Variants in ANKRD30A observed in about 807,000 individuals in gnomAD.
The protein encoded by ANKRD30A is ankyrin repeat domain 30A.
In ANKRD30A, 170 loss-of-function variants were observed where a neutral mutation model predicts 166.3. The ratio of observed to expected loss-of-function variants is 1.02; its 90% CI spans 0.90 to 1.16. The LOEUF (loss-of-function observed/expected upper bound fraction) is 1.16. Among genes scored for constraint, ANKRD30A ranks in the 50% most tolerant of loss-of-function variants. The pLI is 0.00. For synonymous variants in ANKRD30A, 564 were observed against 508.9 expected, an observed-to-expected ratio of 1.11 and a Z score of -1.46; for missense variants, 1,630 against 1,518.0, an observed-to-expected ratio of 1.07 and a Z score of -1.23.
the ANKRD30A span, among the ~76,000 whole-genome samples, chr10:37,242,564 T>G: frequency 1.4e-4 from 21 of 152,190 alleles, no homozygotes; most frequent in African/African-American, 4.8e-4. Context: ...TTGTTAATAT[T>G]TTTCAAAGCT....
chr10:37,258,887 C>T, the ANKRD30A span, among the ~76,000 whole-genome samples: 12 of 136,714 alleles, frequency 8.8e-5, no homozygotes, highest in East Asian at 1.5e-3. Flanking sequence ...TGCTTGAACT[C>T]GGGATGAGGA....
intron 1 of ANKRD30A, among the ~76,000 whole-genome samples, chr10:37,128,027 C>G (rs936045684): frequency 6.6e-6 from 1 of 151,908 alleles, no homozygotes; most frequent in African/African-American, 2.4e-5. Flanking sequence ...AGTGAGTTTA[C>G]AGCATGGGAT....
intron 25 of ANKRD30A, among the ~76,000 whole-genome samples, chr10:37,190,566 A>G (rs1040733129): frequency 2.6e-5 from 4 of 151,842 alleles, no homozygotes; most frequent in Non-Finnish European, 5.9e-5. Flanking sequence ...GCAGAAGTCT[A>G]GTGATTATTT....
chr10:37,205,437 G>A (rs911391745), intron 31 of ANKRD30A, among the ~76,000 whole-genome samples: 5 of 150,744 alleles, frequency 3.3e-5, no homozygotes, highest in African/African-American at 1.2e-4. Context: ...CATCACACAC[G>A]GGGGCCTGTC....
chr10:37,257,241 T>G, the ANKRD30A span, among the ~76,000 whole-genome samples: 1 of 152,144 alleles, frequency 6.6e-6, no homozygotes, highest in East Asian at 1.9e-4. Context: ...AGTGATGGTA[T>G]CCCCTTTATC....
intron 30 of ANKRD30A, among the ~76,000 whole-genome samples, chr10:37,200,126 GTCTTATA>G (rs1234937694): frequency 6.6e-6 from 1 of 152,036 alleles, no homozygotes; most frequent in Non-Finnish European, 1.5e-5. Flanking sequence ...ATATGATTCT[GTCTTATA>G]TCTAGATGTA....
Position 37,216,303 on chromosome 10 carries a change from G to A in ANKRD30A, c.2992G>A (p.Val998Ile), listed in dbSNP as rs1349268598. ...GGAACAAATGAAAAAGAAGTTTTGT[G>A]TACTGAAAAAGAAACTGTCAGAAGC... The part of the protein sequence containing the change: ...KMEQMKKKFC[V>I]LKKKLSEAKE... The change falls in exon 32 of 36, where the codon GTA becomes ATA. Residue 998 changes from valine to isoleucine, a missense_variant. Val to Ile is a conservative substitution (Grantham distance 29, BLOSUM62 3). Coordinates refer to ENST00000361713, the MANE Select transcript of ANKRD30A (RefSeq NM_052997.3). 2 of 1,608,632 alleles carry A rather than the reference G, an allele frequency of 1.2e-6. No homozygotes were observed. Among genetic ancestry groups the A allele is most frequent in the Admixed American group, 1.7e-5 (1 of 59,540 alleles).
rs2132565114 is a variant in ANKRD30A, at chr10:37,153,606, G to A, written c.1742G>A (p.Cys581Tyr). ...LCETVSQKDV[C>Y]LPKATHQKEI... is the part of the protein sequence containing the mutation. ...GAGACTGTTTCACAGAAGGATGTGT[G>A]TTTACCCAAGGCTACACATCAAAAA... The change falls in exon 13 of 36, where the codon TGT becomes TAT. Residue 581 changes from cysteine (C) to tyrosine (Y), a missense_variant. Physicochemically the swap from Cys to Tyr is radical, Grantham distance 194. Around this residue, in one of 4 missense-constraint regions of ANKRD30A, gnomAD observed 904 missense variants for 818.5 expected, o/e 1.10. Coordinates refer to ENST00000361713, the MANE Select transcript of ANKRD30A (RefSeq NM_052997.3). 1 of 1,612,056 alleles carries A rather than the reference G, an allele frequency of 6.2e-7. No homozygotes were observed. Among genetic ancestry groups the A allele is most frequent in the Non-Finnish European group, 8.5e-7 (1 of 1,179,520 alleles).
At chr10:37,198,094 GA>G (rs1002129806) in intron 29 of ANKRD30A, among the ~76,000 whole-genome samples, 5 of 152,080 alleles carry the variant, frequency 3.3e-5, no homozygotes, top group African/African-American at 9.7e-5. Context: ...CTGTGATTCT[GA>G]AGTGTTTGGC....
At chr10:37,248,363 C>T in the ANKRD30A span, 13 of 328,686 alleles carry the variant, frequency 4.0e-5, no homozygotes, top group African/African-American at 1.7e-4. Flanking sequence ...TCACTGAGAC[C>T]GTGACTCCCA....
At chr10:37,213,556 CTTTTTT>C (rs397965588) in intron 31 of ANKRD30A, among the ~76,000 whole-genome samples, 1 of 132,562 alleles carries the variant, frequency 7.5e-6, no homozygotes, top group African/African-American at 2.8e-5. Context: ...TCTTCTTCTT[CTTTTTT>C]TTTTTTTTTT....
chr10:37,259,683 T>G, the ANKRD30A span, among the ~76,000 whole-genome samples: 1 of 152,210 alleles, frequency 6.6e-6, no homozygotes, highest in Non-Finnish European at 1.5e-5. Flanking sequence ...ACTATGGCTA[T>G]ATGCAACAAC....
chr10:37,147,068 A>C (rs1259285568), intron 8 of ANKRD30A, among the ~76,000 whole-genome samples: 1 of 152,240 alleles, frequency 6.6e-6, no homozygotes, highest in Non-Finnish European at 1.5e-5. Flanking sequence ...AGGAAGATAA[A>C]GTAAGATATT....
chr10:37,198,165 G>C (rs557240807), intron 29 of ANKRD30A, among the ~76,000 whole-genome samples: 1 of 152,092 alleles, frequency 6.6e-6, no homozygotes, highest in South Asian at 2.1e-4. Context: ...ATTCTAAACT[G>C]TTTTTTAAAA....
chr10:37,226,833 T>A (rs1251424108), intron 34 of ANKRD30A, among the ~76,000 whole-genome samples: 1 of 151,850 alleles, frequency 6.6e-6, no homozygotes. Flanking sequence ...TTTCTCCACA[T>A]TTTTACCAGG....
chr10:37,160,431 A>C (rs2132588842), intron 15 of ANKRD30A, among the ~76,000 whole-genome samples: 1 of 152,282 alleles, frequency 6.6e-6, no homozygotes, highest in South Asian at 2.1e-4. Context: ...AATAGGAAAA[A>C]CATTATGTGA....
the ANKRD30A span, among the ~76,000 whole-genome samples, chr10:37,256,202 A>G: frequency 6.6e-6 from 1 of 152,146 alleles, no homozygotes; most frequent in Non-Finnish European, 1.5e-5. Flanking sequence ...TCCCTATCTA[A>G]AGTAGCAGTC....
chr10:37,144,935 T>C, intron 7 of ANKRD30A, 60 bp from the exon 8 acceptor site: 1 of 1,281,536 alleles, frequency 7.8e-7, no homozygotes, highest in Non-Finnish European at 1.1e-6. Flanking sequence ...TTTGTATATG[T>C]TTTAAAAATT....
At chr10:37,233,294 T>C (rs971961472), downstream of ANKRD30A, among the ~76,000 whole-genome samples, 2 of 152,096 alleles carry the variant, frequency 1.3e-5, no homozygotes, top group African/African-American at 4.8e-5. Context: ...ATGGTCAGGG[T>C]CTAAGTGCTT....
Sources: gnomAD v4.1 joint callset for allele counts (sites outside exome capture counted in the v4.1 genomes callset) on GRCh38, gnomAD v4.1.1 for gene constraint, gnomAD v4.1.1 regional missense constraint, MANE v1.5 for transcripts, NCBI Gene and HGNC (gene_info 2026-07-23, HGNC 2026-07-21) for gene names.